MAP9: variants seen among roughly 807,000 people sequenced by gnomAD.
The protein encoded by MAP9 is microtubule associated protein 9, also known as microtubule-associated protein 9.
MAP9 carries 80 observed loss-of-function variants against 75.2 expected under a neutral mutation model. That is an observed-to-expected ratio of 1.06 (90% confidence interval 0.89 to 1.28). The LOEUF is 1.28. Among genes scored for constraint, MAP9 ranks in the 50% most tolerant of loss-of-function variants. The pLI, the probability that MAP9 is intolerant of heterozygous loss-of-function variation, is 0.00. For missense variants in MAP9, 753 were observed against 719.9 expected (o/e 1.05, Z -0.53); for synonymous variants, 235 against 237.3 (o/e 0.99, Z 0.09).
rs780245746 is a variant in MAP9 at position 155,352,594 on chromosome 4, A to G, written c.1821+2T>C. 3 of 1,579,506 alleles carry G rather than the reference A, an allele frequency of 1.9e-6. No homozygotes were observed. The highest frequency in any genetic ancestry group is 2.3e-5 in the South Asian group (2 of 86,580). Reference sequence around the variant, plus strand: ...GAAAGTGCATTGACAAATAATACCTACCAGCCATTTTTCATATTCATTAAT... The same window carrying G: ...GAAAGTGCATTGACAAATAATACCTGCCAGCCATTTTTCATATTCATTAAT... On this transcript the variant is annotated splice_donor_variant, in intron 13 of 13. Transcript: ENST00000311277. LOFTEE classifies it high-confidence loss of function.
chr4:155,360,567 ACT>A, intron 6 of MAP9, 152 bp from the exon 7 acceptor site: 1 of 716,812 alleles, frequency 1.4e-6, no homozygotes, highest in Non-Finnish European at 2.1e-6. Flanking sequence ...ACTTGCATAA[ACT>A]CTTTTCGAAA....
At chr4:155,374,136 C>G (rs879638125) in intron 3 of MAP9, among the ~76,000 whole-genome samples, 21 of 152,152 alleles carry the variant, frequency 1.4e-4, no homozygotes, top group Non-Finnish European at 2.5e-4. Context: ...GTCAGGAGTT[C>G]GAGACCAGCC....
chr4:155,355,943 A>AGTTTTT, intron 8 of MAP9, 59 bp from the exon 9 acceptor site: 2 of 1,410,376 alleles, frequency 1.4e-6, no homozygotes, highest in Non-Finnish European at 9.8e-7. Context: ...TAGAAGAGAG[A>AGTTTTT]TCTGTTAGAA....
At chr4:155,352,430 A>C (rs1163842727) in intron 13 of MAP9, 166 bp downstream of exon 13, 3 of 637,574 alleles carry the variant, frequency 4.7e-6, no homozygotes, top group Non-Finnish European at 7.9e-6. Context: ...GAAATGACTA[A>C]GTCAAAGAAA....
intron 13 of MAP9, 50 bp downstream of exon 13, chr4:155,352,546 C>T (rs1210160118): frequency 6.5e-7 from 1 of 1,531,190 alleles, no homozygotes; most frequent in Non-Finnish European, 8.8e-7. Context: ...ACAGAAAAGA[C>T]ACAAAAGGTA....
intron 13 of MAP9, 74 bp from the exon 14 acceptor site, chr4:155,347,979 A>C (rs1731344850): frequency 1.1e-6 from 1 of 939,052 alleles, no homozygotes; most frequent in African/African-American, 1.7e-5. Flanking sequence ...TGCTTGCTGA[A>C]GAACAAAATA....
chr4:155,351,425 T>C (rs1164032374), intron 13 of MAP9, among the ~76,000 whole-genome samples: 1 of 150,998 alleles, frequency 6.6e-6, no homozygotes, highest in Non-Finnish European at 1.5e-5. Context: ...GTGTAGGTCT[T>C]TTCAACTATG....
intron 4 of MAP9, among the ~76,000 whole-genome samples, chr4:155,369,178 C>T (rs1159494884): frequency 6.6e-6 from 1 of 151,858 alleles, no homozygotes; most frequent in Non-Finnish European, 1.5e-5. Flanking sequence ...AAAAAATTAG[C>T]CGGGCTTAGT....
Position 155,373,162 on chromosome 4 carries a change from A to G in MAP9, c.455T>C (p.Ile152Thr). ...DKIKMKPKPR[I>T]LSIKSTSSAE... ...TGAAGATGTGCTTTTAATTGAAAGA[A>G]TTCTGGGTTTAGGTTTCATTTTTAT... Residue 152 changes from isoleucine to threonine, a missense_variant, in exon 4 of 14, where the codon ATT (isoleucine) becomes ACT (threonine). By Grantham distance (89) the Ile-to-Thr change is moderately conservative. Transcript: ENST00000311277. 1 of 1,571,894 alleles carries G rather than the reference A, an allele frequency of 6.4e-7. No homozygotes were observed. Among genetic ancestry groups the G allele is most frequent in the East Asian group, 2.3e-5 (1 of 44,302 alleles).
At chr4:155,373,491 A>G in intron 3 of MAP9, 35 bp from the exon 4 acceptor site, 1 of 1,359,382 alleles carries the variant, frequency 7.4e-7, no homozygotes, top group East Asian at 2.5e-5. Flanking sequence ...TTTCAACAGT[A>G]TTTTTAAAAA....
intron 4 of MAP9, among the ~76,000 whole-genome samples, chr4:155,370,080 T>A (rs1455501612): frequency 6.6e-6 from 1 of 152,164 alleles, no homozygotes; most frequent in Non-Finnish European, 1.5e-5. Flanking sequence ...AGCTGACAAT[T>A]TTAGCTACAT....
chr4:155,348,690 A>C (rs569645345), intron 13 of MAP9, among the ~76,000 whole-genome samples: 1 of 152,232 alleles, frequency 6.6e-6, no homozygotes, highest in East Asian at 1.9e-4. Context: ...GCCTTTTGTA[A>C]ATTTTCTGCT....
At chr4:155,356,600 TAGAA>T (rs1354126908) in intron 8 of MAP9, among the ~76,000 whole-genome samples, 1 of 152,122 alleles carries the variant, frequency 6.6e-6, no homozygotes, top group Non-Finnish European at 1.5e-5. Context: ...AATATAAAAT[TAGAA>T]AGAATAGTAC....
rs755202681 is a variant in MAP9 at position 155,352,689 on chromosome 4, T to C, written c.1728A>G (p.Lys576=). The stretch of plus-strand genomic sequence containing the variant: ...CCTTTCTTTTCTCATTTATTTTTTC[T>C]TTTTCCTTTTGCTTGAAAAAAGCTT... ...KKEAFFKQKE[K]EKINEKRKEE... The change falls in exon 13 of 14, where the codon AAA becomes AAG. Residue 576 remains lysine (K), a synonymous_variant. Transcript: ENST00000311277. 46 of 1,561,608 alleles carry C rather than the reference T, an allele frequency of 2.9e-5. No homozygotes were observed. The East Asian group carries it at 1.0e-3, about 35-fold the overall frequency.
intron 1 of MAP9, 96 bp from the exon 2 acceptor site, chr4:155,376,010 T>A: frequency 1.9e-6 from 1 of 514,874 alleles, no homozygotes. Context: ...GAAAAGCATC[T>A]GATATGAACA....
chr4:155,368,999 T>C, intron 4 of MAP9, 187 bp from the exon 5 acceptor site: 1 of 570,364 alleles, frequency 1.8e-6, no homozygotes, highest in Admixed American at 3.2e-5. Context: ...TGATGGTTAA[T>C]AATCAGGCCG....
In MAP9 at chr4:155,352,725, A is replaced by C; in HGVS notation, c.1692T>G (p.Asn564Lys). Residue 564 changes from asparagine (N) to lysine (K), a missense_variant, in exon 13 of 14, where the codon AAT becomes AAG. Coordinates refer to ENST00000311277, the MANE Select transcript of MAP9 (RefSeq NM_001039580.2). ...GCTTGAAAAAAGCTTCCTTTTTTTC[A>C]TTCCTATAGAGCATAGTATAAAACA... ...KDNLTAVEKW[N>K]EKKEAFFKQK... is the part of the protein sequence containing the mutation. 6.5e-7 allele frequency: 1 copy of C among 1,548,464 alleles called. No homozygotes were observed. The highest frequency in any genetic ancestry group is 8.8e-7 in the Non-Finnish European group (1 of 1,140,470).
Position 155,375,787 on chromosome 4 carries a change from T to C in MAP9, c.64A>G (p.Thr22Ala). 6.2e-7 allele frequency: 1 copy of C among 1,602,098 alleles called. No homozygotes were observed. Reference sequence around the variant, plus strand: ...TAAAAATACTTTACCTGGAAAGTAGTTCTTTTGGTAACTTTTGGACTCTTT... The same window carrying C: ...TAAAAATACTTTACCTGGAAAGTAGCTCTTTTGGTAACTTTTGGACTCTTT... ...YTKSPKVTKR[T>A]TFQDELIRAI... Residue 22 changes from threonine to alanine, a missense_variant, in exon 2 of 14, where the codon ACT (threonine) becomes GCT (alanine). Transcript: ENST00000311277.
chr4:155,348,441 C>T (rs936739474), intron 13 of MAP9, among the ~76,000 whole-genome samples: 1 of 151,868 alleles, frequency 6.6e-6, no homozygotes, highest in Non-Finnish European at 1.5e-5. Flanking sequence ...AAAGTGAAAA[C>T]ATTAAAAAAG....
Sources: allele counts gnomAD v4.1 joint callset (sites outside exome capture counted in the v4.1 genomes callset), GRCh38; gene constraint gnomAD v4.1.1; transcripts MANE v1.5; gene names NCBI Gene and HGNC (gene_info 2026-07-23, HGNC 2026-07-21).